Variants in LRP1B observed in about 807,000 individuals in gnomAD.
The protein encoded by LRP1B is LDL receptor related protein 1B, also known as low-density lipoprotein receptor-related protein 1B.
A neutral mutation model predicts 556.6 loss-of-function variants in LRP1B; 217 were observed. That is an observed-to-expected ratio of 0.39 (90% CI 0.35 to 0.44). The LOEUF (loss-of-function observed/expected upper bound fraction) is 0.44. Ranked by LOEUF, LRP1B falls within the 20% of genes least tolerant of loss-of-function variation. LRP1B has a pLI of 1.00. For missense variants in LRP1B, 5,053 were observed against 5,620.8 expected (o/e 0.90, Z 3.23); for synonymous variants, 2,047 against 1,865.8 (o/e 1.10, Z -2.50).
At chr2:141,066,662 G>A (rs1699489119) in intron 7 of LRP1B, among the ~76,000 whole-genome samples, 1 of 151,810 alleles carries the variant, frequency 6.6e-6, no homozygotes, top group Non-Finnish European at 1.5e-5. Flanking sequence ...TAACTGCATG[G>A]TCAGTCCCCG....
intron 7 of LRP1B, among the ~76,000 whole-genome samples, chr2:141,095,886 A>C (rs1574068664): frequency 6.6e-6 from 1 of 152,128 alleles, no homozygotes; most frequent in Non-Finnish European, 1.5e-5. Flanking sequence ...ACATCAGTAC[A>C]TTCTTCCCAG....
intron 2 of LRP1B, among the ~76,000 whole-genome samples, chr2:141,708,686 G>GTCCTAGCA (rs11282159): frequency 0.57 from 85,866 of 151,328 alleles, 24,826 homozygotes; most frequent in East Asian, 0.8. Flanking sequence ...GTATTTTTAT[G>GTCCTAGCA]CATCAGAATG....
At chr2:140,373,222 GAA>G (rs1683071305) in intron 68 of LRP1B, 85 bp from the exon 69 acceptor site, 1 of 1,144,974 alleles carries the variant, frequency 8.7e-7, no homozygotes, top group East Asian at 2.5e-5. Flanking sequence ...CTTATGTACA[GAA>G]AACCTGGAAC....
chr2:141,944,769 C>T (rs939974215), intron 1 of LRP1B, among the ~76,000 whole-genome samples: 2 of 152,030 alleles, frequency 1.3e-5, no homozygotes, highest in Non-Finnish European at 2.9e-5. Flanking sequence ...AAATAAGTCA[C>T]GAATACAGGT....
intron 41 of LRP1B, among the ~76,000 whole-genome samples, chr2:140,645,530 ATTC>A (rs1429171662): frequency 1.8e-5 from 2 of 112,922 alleles, no homozygotes; most frequent in African/African-American, 7.4e-5. Flanking sequence ...CTTTGCCAAT[ATTC>A]TTTTTTTTTT....
chr2:141,206,172 G>T (rs1479260660), intron 6 of LRP1B, among the ~76,000 whole-genome samples: 3 of 151,802 alleles, frequency 2.0e-5, no homozygotes, highest in African/African-American at 7.3e-5. Context: ...CAACCAGGAA[G>T]CCAGATCACC....
intron 1 of LRP1B, among the ~76,000 whole-genome samples, chr2:142,055,009 G>A (rs1336219763): frequency 6.6e-6 from 1 of 152,100 alleles, no homozygotes; most frequent in Non-Finnish European, 1.5e-5. Flanking sequence ...CTCACTGTGT[G>A]AGAGAAAACA....
At chr2:140,757,365 T>A (rs1014594906) in intron 35 of LRP1B, among the ~76,000 whole-genome samples, 3 of 152,208 alleles carry the variant, frequency 2.0e-5, no homozygotes, top group Non-Finnish European at 4.4e-5. Context: ...CAGCTTTATT[T>A]GTAATAGTCA....
chr2:140,413,041 A>G (rs548826535), intron 66 of LRP1B, among the ~76,000 whole-genome samples: 4 of 152,268 alleles, frequency 2.6e-5, no homozygotes, highest in Non-Finnish European at 4.4e-5. Context: ...AATCTACAAA[A>G]TATCGTAATA....
intron 1 of LRP1B, among the ~76,000 whole-genome samples, chr2:142,127,376 A>ATCCATCCATCCT (rs1553520097): frequency 1.3e-5 from 2 of 150,610 alleles, no homozygotes; most frequent in Non-Finnish European, 3.0e-5. Context: ...GAATCCATCC[A>ATCCATCCATCCT]TCCATCCATC....
At chr2:142,032,824 G>A (rs1253454219) in intron 1 of LRP1B, among the ~76,000 whole-genome samples, 2 of 151,682 alleles carry the variant, frequency 1.3e-5, no homozygotes, top group Non-Finnish European at 2.9e-5. Context: ...GAGGCAGACC[G>A]AAGACCAAAG....
chr2:141,437,298 T>C (rs1188830483), intron 3 of LRP1B, among the ~76,000 whole-genome samples: 2 of 152,204 alleles, frequency 1.3e-5, no homozygotes, highest in African/African-American at 2.4e-5. Flanking sequence ...GAGGATAATT[T>C]TGACTGGTGG....
chr2:141,525,851 ATATAAG>A (rs1295579517), intron 2 of LRP1B, among the ~76,000 whole-genome samples: 1 of 152,058 alleles, frequency 6.6e-6, no homozygotes, highest in Non-Finnish European at 1.5e-5. Flanking sequence ...ACTATGTCTC[ATATAAG>A]TATAATTATC....
intron 57 of LRP1B, among the ~76,000 whole-genome samples, chr2:140,492,192 C>T (rs992045210): frequency 6.6e-6 from 1 of 151,960 alleles, no homozygotes; most frequent in Non-Finnish European, 1.5e-5. Flanking sequence ...GAGACTAAAT[C>T]CTGAAGAAAA....
rs114598706 is a variant in LRP1B, at chr2:141,570,466, C to A, written c.206-89933G>T. Among the ~76,000 whole-genome samples, 1,509 of 151,400 alleles carry A rather than the reference C, an allele frequency of 1.0e-2. 34 individuals carry two copies. The highest frequency in any genetic ancestry group is 0.029 in the African/African-American group (1,221 of 41,504). ...ACACCACCAGGGCCTAGTGTCCCAA[C>A]CTTGGATGGCACAGATTATTTTACA... On this transcript the variant is annotated intron_variant, in intron 2 of 90. Coordinates refer to ENST00000389484, the MANE Select transcript of LRP1B (RefSeq NM_018557.3).
At chr2:140,620,852 A>T (rs2105250123) in intron 41 of LRP1B, among the ~76,000 whole-genome samples, 1 of 152,300 alleles carries the variant, frequency 6.6e-6, no homozygotes, top group Middle Eastern at 3.4e-3. Context: ...TGCAGATATA[A>T]CAATTATCCT....
At chr2:140,699,267 A>G (rs566014855) in intron 41 of LRP1B, among the ~76,000 whole-genome samples, 1 of 152,186 alleles carries the variant, frequency 6.6e-6, no homozygotes, top group South Asian at 2.1e-4. Context: ...GCCTCATGTA[A>G]TAAAATAAAA....
intron 3 of LRP1B, among the ~76,000 whole-genome samples, chr2:141,307,324 T>A (rs965622231): frequency 4.6e-5 from 7 of 152,310 alleles, no homozygotes; most frequent in African/African-American, 1.4e-4. Context: ...AATATTTATA[T>A]ATTTTTGCTG....
intron 20 of LRP1B, among the ~76,000 whole-genome samples, chr2:140,928,474 T>C (rs1458909029): frequency 2.0e-5 from 3 of 152,114 alleles, no homozygotes; most frequent in African/African-American, 7.2e-5. Context: ...CCAACTTGAA[T>C]GTTTGCAGTT....
Sources: gnomAD v4.1 joint callset for allele counts (sites outside exome capture counted in the v4.1 genomes callset) on GRCh38, gnomAD v4.1.1 for gene constraint, MANE v1.5 for transcripts, NCBI Gene and HGNC (gene_info 2026-07-23, HGNC 2026-07-21) for gene names.